Variants in TRPM5 observed in about 807,000 individuals in gnomAD.
The protein encoded by TRPM5 is transient receptor potential cation channel subfamily M member 5, also known as MLSN1 and TRP-related.
TRPM5 carries 121 observed loss-of-function variants against 124.9 expected under a neutral mutation model. That is an observed-to-expected ratio of 0.97 (90% CI 0.84 to 1.13). TRPM5 has a LOEUF of 1.13. Among genes scored for constraint, TRPM5 ranks in the 50% most tolerant of loss-of-function variants. The pLI, the probability that TRPM5 is intolerant of heterozygous loss-of-function variation, is 0.00. For missense variants in TRPM5, 1,643 were observed against 1,589.1 expected, an observed-to-expected ratio of 1.03 and a Z score of -0.58; for synonymous variants, 781 against 700.5, an observed-to-expected ratio of 1.11 and a Z score of -1.81.
chr11:2,407,049 G>A (rs78807791), intron 20 of TRPM5, 70 bp downstream of exon 25: 1 of 1,453,788 alleles, frequency 6.9e-7, no homozygotes, highest in Non-Finnish European at 9.0e-7. Flanking sequence ...CCTGCCTCCA[G>A]CGCACAGCCC....
At chr11:2,405,124 C>G in intron 23 of TRPM5, 81 bp from the exon 29 acceptor site, 1 of 1,237,392 alleles carries the variant, frequency 8.1e-7, no homozygotes, top group Non-Finnish European at 1.2e-6. Flanking sequence ...GGCTCAGAGG[C>G]AAGGGCCAGG....
At chr11:2,412,631 AGGCCCCCATGCTGTTCTT>A in intron 15 of TRPM5, 105 bp downstream of exon 20, 1 of 1,070,866 alleles carries the variant, frequency 9.3e-7, no homozygotes, top group Non-Finnish European at 1.3e-6. Flanking sequence ...GGAAGATGGG[AGGCCCCCATGCTGTTCTT>A]GTTTTACAGT....
At chr11:2,435,420 C>G in the TRPM5 span, among the ~76,000 whole-genome samples, 170 of 152,092 alleles carry the variant, frequency 1.1e-3, no homozygotes, top group African/African-American at 3.5e-3. This position sits in a 1 kb window ranked among gnomAD's most constrained non-coding sequence, Gnocchi z 4.1. Context: ...CCTCACCCAT[C>G]ACCACCCACC....
intron 1 of TRPM5, 95 bp from the exon 7 acceptor site, chr11:2,422,416 G>A: frequency 9.5e-7 from 1 of 1,048,614 alleles, no homozygotes; most frequent in Non-Finnish European, 1.4e-6. Context: ...GCACTGGGGA[G>A]GTGCTGAGCA....
rs757942364 is a variant in TRPM5 at position 2,411,785 on chromosome 11, G to A, written c.2475-18C>T. On this transcript the variant is annotated intron_variant, in intron 16 of 23. Transcript: ENST00000155858. ...GCAGCATCCTGGAGGATGGGAGGCT[G>A]ATGCGGCTGCGGGGCCCAGAGAGGG... 1.2e-6 allele frequency: 2 copies of A among 1,612,052 alleles called. No homozygotes were observed. The highest frequency in any genetic ancestry group is 4.5e-5 in the East Asian group (2 of 44,866).
At chr11:2,438,275 G>T in the TRPM5 span, among the ~76,000 whole-genome samples, 2,665 of 152,148 alleles carry the variant, frequency 0.018, 74 homozygotes, top group African/African-American at 0.061. The surrounding 1 kb of genome is among the most constrained non-coding windows in gnomAD (Gnocchi z 5.9). Context: ...TTAAGAATAG[G>T]AATAAGACAA....
At chr11:2,438,753 C>CCAAA in the TRPM5 span, among the ~76,000 whole-genome samples, 4 of 152,136 alleles carry the variant, frequency 2.6e-5, no homozygotes, top group Non-Finnish European at 5.9e-5. The surrounding 1 kb of genome is among the most constrained non-coding windows in gnomAD (Gnocchi z 5.9). Context: ...GTCACATTGT[C>CCAAA]CAAAGCAATC....
At chr11:2,434,694 TG>T in the TRPM5 span, among the ~76,000 whole-genome samples, 1 of 151,450 alleles carries the variant, frequency 6.6e-6, no homozygotes, top group African/African-American at 2.4e-5. Context: ...CTGCACTGTG[TG>T]TGTGTCTGTG....
In TRPM5 at chr11:2,416,166, C is replaced by A. The variant is rs1845672510; in HGVS notation, c.1010-142G>T. ...GGACTTGAGGGGGCACATGCGCCAC[C>A]TCTGAGCACCAGCAGGAGGCACGAG... On this transcript the variant is annotated intron_variant, in intron 7 of 23. Coordinates refer to ENST00000155858, the Ensembl canonical transcript of TRPM5. The A allele has an allele frequency of 4.9e-6, 3 of 608,804 alleles. No individual in the cohort carries two copies. In the Admixed American group the frequency reaches 8.1e-5, roughly 16 times the overall value. 37.7% of individuals were successfully genotyped at this position (608,804 alleles called of 1,614,324 possible).
chr11:2,425,032 G>T (rs76009467), upstream of TRPM5, among the ~76,000 whole-genome samples: 1 of 152,230 alleles, frequency 6.6e-6, no homozygotes, highest in Non-Finnish European at 1.5e-5. Flanking sequence ...CCCGCGGACC[G>T]CAGAGAGGCA....
In TRPM5 at chr11:2,419,622, C is replaced by CAAAAAAAA. The variant is rs3986606; in HGVS notation, c.649+592_649+599dup. Among the ~76,000 whole-genome samples the CAAAAAAAA allele has an allele frequency of 7.4e-3, 942 of 126,774 alleles. 12 individuals are homozygous for CAAAAAAAA. Among genetic ancestry groups the CAAAAAAAA allele is most frequent in the African/African-American group, 0.025 (903 of 35,620 alleles). The allele number at this position is 126,774 out of a possible 152,430, so 83.2% of individuals were successfully genotyped here. On this transcript the variant is annotated intron_variant, in intron 4 of 23. Transcript: ENST00000155858. ...TGGGGGACAGAGTGAGATTCTGCCTCAAAAAAAAAAAAAAAAAACAGAGGG... is the reference window on the plus strand; with the variant it reads ...TGGGGGACAGAGTGAGATTCTGCCTCAAAAAAAAAAAAAAAAAAAAAAAAAACAGAGGG...
the TRPM5 span, among the ~76,000 whole-genome samples, chr11:2,442,261 T>C: frequency 6.6e-6 from 1 of 152,184 alleles, no homozygotes; most frequent in Non-Finnish European, 1.5e-5. This position sits in a 1 kb window ranked among gnomAD's most constrained non-coding sequence, Gnocchi z 5.9. Context: ...GAGGAGTCTA[T>C]GCTAATATAG....
At chr11:2,433,206 G>A in the TRPM5 span, among the ~76,000 whole-genome samples, 4 of 152,242 alleles carry the variant, frequency 2.6e-5, no homozygotes, top group East Asian at 7.7e-4. Flanking sequence ...GAGGCCAAAT[G>A]ACCTGCCCAT....
chr11:2,426,849 G>A (rs1279991871), upstream of TRPM5, among the ~76,000 whole-genome samples: 1 of 152,208 alleles, frequency 6.6e-6, no homozygotes, highest in Non-Finnish European at 1.5e-5. Context: ...CTCCCTATGA[G>A]GATGCCCCAT....
chr11:2,421,956 T>G (rs1018145780), intron 2 of TRPM5, among the ~76,000 whole-genome samples, 185 bp downstream of exon 7: 1 of 123,982 alleles, frequency 8.1e-6, no homozygotes, highest in Non-Finnish European at 1.7e-5. Flanking sequence ...CGTGATGGCC[T>G]GGAGAGTCAG....
At chr11:2,434,645 G>A in the TRPM5 span, among the ~76,000 whole-genome samples, 4 of 151,846 alleles carry the variant, frequency 2.6e-5, no homozygotes, top group Non-Finnish European at 2.9e-5. Context: ...GACACTGCAT[G>A]TGTGTCTGTG....
intron 16 of TRPM5, 59 bp from the exon 22 acceptor site, chr11:2,411,826 G>T: frequency 6.3e-7 from 1 of 1,598,702 alleles, no homozygotes; most frequent in Non-Finnish European, 8.5e-7. Flanking sequence ...GGCTTCCCCA[G>T]GGGCACACAG....
exon 24 of TRPM5, chr11:2,404,541 A>G (rs2133492057): frequency 1.1e-5 from 2 of 183,534 alleles, no homozygotes; most frequent in Non-Finnish European, 2.2e-5. Flanking sequence ...GTCTCTTGTC[A>G]GGCAACACAA....
chr11:2,432,692 T>A, the TRPM5 span, among the ~76,000 whole-genome samples: 1 of 152,178 alleles, frequency 6.6e-6, no homozygotes, highest in Non-Finnish European at 1.5e-5. Flanking sequence ...ACCCACTTCT[T>A]CTTTGTCTTA....
Sources: allele counts gnomAD v4.1 joint callset (sites outside exome capture counted in the v4.1 genomes callset), GRCh38; gene constraint gnomAD v4.1.1; non-coding constraint Gnocchi (gnomAD v3.1); transcripts MANE v1.5; gene names NCBI Gene and HGNC (gene_info 2026-07-23, HGNC 2026-07-21).